The following SYCP2L variants were observed in gnomAD, a reference collection of about 807,000 sequenced individuals.
SYCP2L encodes synaptonemal complex protein 2 like, also known as synaptonemal complex protein 2-like.
In SYCP2L, 98 loss-of-function variants were observed where a neutral mutation model predicts 125.8. That is an observed-to-expected ratio of 0.78 (90% CI 0.66 to 0.92). The LOEUF (loss-of-function observed/expected upper bound fraction) is 0.92, where lower values mean the gene tolerates loss of function less well. Ranked by LOEUF, SYCP2L falls within the 40% of genes least tolerant of loss-of-function variation. The pLI is 0.00. For missense variants in SYCP2L, 842 were observed against 936.4 expected (o/e 0.90, Z 1.32); for synonymous variants, 317 against 325.4 (o/e 0.97, Z 0.28).
At chr6:10,889,393 C>T (rs565861867) in intron 1 of SYCP2L, among the ~76,000 whole-genome samples, 1 of 152,254 alleles carries the variant, frequency 6.6e-6, no homozygotes, top group African/African-American at 2.4e-5. Context: ...ATATCCATCA[C>T]CTCAAATATT....
chr6:10,954,855 C>T lies in SYCP2L; in HGVS notation c.1955-261C>T, dbSNP rs1781472603. 6.6e-6 allele frequency among the ~76,000 whole-genome samples: 1 copy of T among 152,158 alleles called. No individual in the cohort carries two copies. Among genetic ancestry groups the T allele is most frequent in the African/African-American group, 2.4e-5 (1 of 41,424 alleles). On this transcript the variant is annotated intron_variant, in intron 23 of 29. Transcript: ENST00000283141. This position sits in a 1 kb window ranked among gnomAD's most constrained non-coding sequence, Gnocchi z 4.8. Reference sequence around the variant, plus strand: ...TACTGCTTAACTTAGGAACGCTCTGCCTAGTGAGGGGTCTGTGCTAAGCAG... The same window carrying T: ...TACTGCTTAACTTAGGAACGCTCTGTCTAGTGAGGGGTCTGTGCTAAGCAG...
Position 10,891,418 on chromosome 6 carries a change from A to AT in SYCP2L, c.10-75dup, listed in dbSNP as rs61237589. 2,311 of 473,790 alleles carry AT rather than the reference A, an allele frequency of 4.9e-3. 2 individuals carry two copies. The highest frequency in any genetic ancestry group is 0.011 in the East Asian group (222 of 19,392). 29.3% of individuals were successfully genotyped at this position (473,790 alleles called of 1,614,324 possible). On this transcript the variant is annotated intron_variant, in intron 1 of 29. Coordinates refer to ENST00000283141, the MANE Select transcript of SYCP2L (RefSeq NM_001040274.3). ...TTCAGGAAAACAATACAAACCTTTAATTTTTTTTTTTTTTTTTTTTGCTTT... is the reference window on the plus strand; with the variant it reads ...TTCAGGAAAACAATACAAACCTTTAATTTTTTTTTTTTTTTTTTTTTGCTTT...
In SYCP2L at chr6:10,961,311, T is replaced by C. The variant is rs142941160; in HGVS notation, c.2262T>C (p.Asn754=). The part of the protein sequence containing the change: ...LLNQMQLFRL[N]KLERFQNLVL... ...CTGCTTTTATGTTTATTAGACTCAA[T>C]AAACTAGAGCGCTTTCAAAATTTGG... Residue 754 remains asparagine (N), a synonymous_variant, in exon 27 of 30, where the codon AAT becomes AAC. Coordinates refer to ENST00000283141, the MANE Select transcript of SYCP2L (RefSeq NM_001040274.3). 2 of 1,613,874 alleles carry C rather than the reference T, an allele frequency of 1.2e-6. No individual in the cohort carries two copies. The highest frequency in any genetic ancestry group is 1.3e-5 in the African/African-American group (1 of 74,908).
At chr6:10,926,708 C>T (rs980477495) in intron 16 of SYCP2L, among the ~76,000 whole-genome samples, 13 of 151,948 alleles carry the variant, frequency 8.6e-5, no homozygotes, top group Non-Finnish European at 1.9e-4. Flanking sequence ...CAAAGTCGGC[C>T]CTGCACTAGA....
intron 2 of SYCP2L, among the ~76,000 whole-genome samples, chr6:10,892,643 C>G (rs1780192896): frequency 6.6e-6 from 1 of 152,092 alleles, no homozygotes; most frequent in South Asian, 2.1e-4. Flanking sequence ...TTCAGCTGAG[C>G]AATCTCACAT....
chr6:10,951,815 G>C (rs1362974918), intron 23 of SYCP2L, among the ~76,000 whole-genome samples: 1 of 152,152 alleles, frequency 6.6e-6, no homozygotes, highest in Non-Finnish European at 1.5e-5. Flanking sequence ...GGGGAGCTTG[G>C]CTGTTAACCA....
At chr6:10,957,972 C>A (rs1375835218) in intron 25 of SYCP2L, among the ~76,000 whole-genome samples, 2 of 152,110 alleles carry the variant, frequency 1.3e-5, no homozygotes, top group African/African-American at 4.8e-5. Context: ...CAGTCTTTTC[C>A]TTTTTTGTCC....
intron 21 of SYCP2L, among the ~76,000 whole-genome samples, chr6:10,938,088 A>G (rs78399315): frequency 0.052 from 7,946 of 152,292 alleles, 226 homozygotes; most frequent in African/African-American, 0.067. Flanking sequence ...CTCTTGTCAA[A>G]GCCAGATAAG....
chr6:10,961,513 A>G lies in SYCP2L; in HGVS notation c.2369A>G (p.Lys790Arg), dbSNP rs1468126950. Residue 790 changes from lysine (K) to arginine (R), a missense_variant, in exon 28 of 30, where the codon AAA (lysine) becomes AGA (arginine). By Grantham distance (26) the Lys-to-Arg change is conservative. Coordinates refer to ENST00000283141, the MANE Select transcript of SYCP2L (RefSeq NM_001040274.3). The stretch of plus-strand genomic sequence containing the variant: ...GTTCAATCTTAGGAATTCTGGGGGA[A>G]ACAGTCTGCTGATCTGCAATCTTTC... ...LEKEVLEFWG[K>R]QSADLQSFCD... is the part of the protein sequence containing the mutation. 4 of 1,614,082 alleles carry G rather than the reference A, an allele frequency of 2.5e-6. No homozygotes were observed. The highest frequency in any genetic ancestry group is 2.7e-5 in the African/African-American group (2 of 74,944).
chr6:10,923,063 G>A (rs1323025260), intron 14 of SYCP2L, among the ~76,000 whole-genome samples: 2 of 151,966 alleles, frequency 1.3e-5, no homozygotes, highest in Non-Finnish European at 2.9e-5. Flanking sequence ...AGAGCATCTC[G>A]GTTAGTACTA....
rs1176700529 is a variant in SYCP2L, at chr6:10,887,123, C to A, written c.-4C>A. The A allele has an allele frequency of 4.3e-6, 7 of 1,614,012 alleles. No individual in the cohort carries two copies. Among genetic ancestry groups the A allele is most frequent in the Admixed American group, 3.3e-5 (2 of 60,012 alleles). On this transcript the variant is annotated 5_prime_UTR_variant, in exon 1 of 30. Transcript: ENST00000283141. ...CGTCGCTTCAGGAACGAAGAAGCCT[C>A]GTTATGCAAGCGGTGAGTGACCCCC...
At chr6:10,964,237 G>C (rs1781642317) in intron 29 of SYCP2L, among the ~76,000 whole-genome samples, 1 of 152,126 alleles carries the variant, frequency 6.6e-6, no homozygotes, top group Non-Finnish European at 1.5e-5. Flanking sequence ...GATTACAGGC[G>C]TGAGCCACTG....
At chr6:10,927,801 G>A (rs1780923978) in intron 17 of SYCP2L, among the ~76,000 whole-genome samples, 1 of 152,148 alleles carries the variant, frequency 6.6e-6, no homozygotes, top group South Asian at 2.1e-4. Context: ...CGCTATGGGA[G>A]ACTGGGGCTT....
In SYCP2L at chr6:10,939,399, A is replaced by G. The variant is rs192254439; in HGVS notation, c.1814-3060A>G. 1.1e-4 allele frequency among the ~76,000 whole-genome samples: 16 copies of G among 152,368 alleles called. No homozygotes were observed. In the East Asian group the frequency reaches 1.7e-3, roughly 17 times the overall value. ...ATCCTAAAATTTATATGGAACCACA[A>G]AAGATCCTAAATAGCCAAAGCAATC... is the stretch of plus-strand genomic sequence containing the variant. On this transcript the variant is annotated intron_variant, in intron 21 of 29. Transcript: ENST00000283141.
At position 10,964,599 on chromosome 6, in the gene SYCP2L, T is replaced by A. The variant is rs927433425; in HGVS notation, c.*37+756T>A. Among the ~76,000 whole-genome samples the A allele has an allele frequency of 1.4e-4, 21 of 152,312 alleles. No individual in the cohort carries two copies. In the South Asian group the frequency reaches 2.3e-3, roughly 17 times the overall value. ...ATTTAAAATTTAAATTTTAAAAATT[T>A]AAAAAATTTGGATATCAGATTTTCA... On this transcript the variant is annotated intron_variant, in intron 29 of 29. Transcript: ENST00000283141.
At chr6:10,894,483 T>G (rs1281010222) in intron 4 of SYCP2L, among the ~76,000 whole-genome samples, 2 of 152,192 alleles carry the variant, frequency 1.3e-5, no homozygotes, top group Non-Finnish European at 2.9e-5. Flanking sequence ...TTAAATTATT[T>G]TAGTGAATTT....
At chr6:10,971,872 C>T (rs901016180) in intron 29 of SYCP2L, among the ~76,000 whole-genome samples, 6 of 152,202 alleles carry the variant, frequency 3.9e-5, no homozygotes, top group Non-Finnish European at 5.9e-5. Flanking sequence ...CAGAGTGTGT[C>T]GCCATGTTGG....
intron 14 of SYCP2L, among the ~76,000 whole-genome samples, chr6:10,920,040 G>A (rs1218780861): frequency 6.6e-6 from 1 of 152,110 alleles, no homozygotes; most frequent in Non-Finnish European, 1.5e-5. Flanking sequence ...GAGGAAGTGT[G>A]GGGTCTTCAT....
At chr6:10,898,159 AT>A in intron 5 of SYCP2L, 44 bp downstream of exon 5, 1 of 1,342,832 alleles carries the variant, frequency 7.4e-7, no homozygotes, top group African/African-American at 1.4e-5. Flanking sequence ...GCCATTGGTA[AT>A]TGGCAGGAAT....
Sources: gnomAD v4.1 joint callset for allele counts (sites outside exome capture counted in the v4.1 genomes callset) on GRCh38, gnomAD v4.1.1 for gene constraint, Gnocchi (gnomAD v3.1) non-coding constraint, MANE v1.5 for transcripts, NCBI Gene and HGNC (gene_info 2026-07-23, HGNC 2026-07-21) for gene names.